The following HLCS variants were observed in gnomAD, a reference collection of about 807,000 sequenced individuals.
The protein encoded by HLCS is biotin--protein ligase.
In HLCS, 53 loss-of-function variants were observed where a neutral mutation model predicts 75.0. That is an observed-to-expected ratio of 0.71 (90% CI 0.57 to 0.89). The LOEUF (loss-of-function observed/expected upper bound fraction) is 0.89. HLCS is among the 40% of genes least tolerant of loss of function. HLCS has a pLI of 0.00. For missense variants in HLCS, 966 were observed against 1,074.0 expected (o/e 0.90, Z 1.41); for synonymous variants, 431 against 428.6 (o/e 1.01, Z -0.07).
At chr21:36,956,482 A>G (rs937572303) in intron 2 of HLCS, among the ~76,000 whole-genome samples, 25 of 152,210 alleles carry the variant, frequency 1.6e-4, no homozygotes, top group Non-Finnish European at 3.4e-4. Context: ...TAATCCCAGC[A>G]CTTTGGGAGG....
intron 6 of HLCS, among the ~76,000 whole-genome samples, chr21:36,818,299 C>G (rs2061721740): frequency 6.6e-6 from 1 of 152,196 alleles, no homozygotes; most frequent in African/African-American, 2.4e-5. Context: ...TCTAAAGACC[C>G]TCCCGCGAGG....
At chr21:36,815,259 C>T (rs1267887579) in intron 6 of HLCS, among the ~76,000 whole-genome samples, 1 of 152,104 alleles carries the variant, frequency 6.6e-6, no homozygotes, top group Non-Finnish European at 1.5e-5. Context: ...GAACTCCAGA[C>T]CTCAAATGAT....
intron 6 of HLCS, among the ~76,000 whole-genome samples, chr21:36,880,665 C>T (rs1400836773): frequency 6.6e-6 from 1 of 152,188 alleles, no homozygotes; most frequent in African/African-American, 2.4e-5. Context: ...CTCGAACACT[C>T]CACCAGGATT....
At chr21:36,959,086 A>G (rs2068132658) in intron 2 of HLCS, among the ~76,000 whole-genome samples, 1 of 152,170 alleles carries the variant, frequency 6.6e-6, no homozygotes, top group South Asian at 2.1e-4. Context: ...GCATAACTGC[A>G]GCCTCCCAGC....
intron 6 of HLCS, among the ~76,000 whole-genome samples, chr21:36,855,362 G>C (rs12627662): frequency 0.27 from 41,124 of 149,866 alleles, 6,638 homozygotes; most frequent in African/African-American, 0.45. Context: ...GAAACCCTGT[G>C]TCTACTAAAA....
chr21:36,901,135 T>G (rs1433292559), intron 5 of HLCS, among the ~76,000 whole-genome samples: 2 of 152,020 alleles, frequency 1.3e-5, no homozygotes, highest in Non-Finnish European at 2.9e-5. Flanking sequence ...GTGGTGGGCA[T>G]CTGTAGTCCC....
intron 7 of HLCS, 62 bp downstream of exon 7, chr21:36,767,156 C>T (rs1277797309): frequency 1.2e-5 from 18 of 1,519,876 alleles, no homozygotes; most frequent in Non-Finnish European, 1.6e-5. Flanking sequence ...GGCTCCTGGG[C>T]CACAAGAGTT....
chr21:36,886,129 A>T (rs2064445999), intron 6 of HLCS, among the ~76,000 whole-genome samples: 1 of 151,852 alleles, frequency 6.6e-6, no homozygotes. Flanking sequence ...CATTGAGAAC[A>T]TTCAAAAGAT....
chr21:36,863,277 A>G (rs1394786396), intron 6 of HLCS, among the ~76,000 whole-genome samples: 1 of 152,170 alleles, frequency 6.6e-6, no homozygotes, highest in African/African-American at 2.4e-5. Flanking sequence ...AGCTCTAAAC[A>G]GGGAGATTCC....
At chr21:36,898,446 C>CAAAAAAAAAAAAA (rs58625493) in intron 5 of HLCS, among the ~76,000 whole-genome samples, 6 of 49,528 alleles carry the variant, frequency 1.2e-4, no homozygotes, top group African/African-American at 4.4e-4. Flanking sequence ...AACTCCATCT[C>CAAAAAAAAAAAAA]AAAAAAAAAA....
At chr21:36,946,047 T>C in intron 2 of HLCS, 1 of 936,988 alleles carries the variant, frequency 1.1e-6, no homozygotes, top group Non-Finnish European at 1.3e-6. Flanking sequence ...GGATCATCCA[T>C]AAAGTGCCTG....
chr21:36,903,221 G>A (rs1238471312), intron 5 of HLCS, among the ~76,000 whole-genome samples: 1 of 152,074 alleles, frequency 6.6e-6, no homozygotes, highest in Non-Finnish European at 1.5e-5. Context: ...ATTTCAAATG[G>A]ATTATTCCCT....
chr21:36,956,118 A>G (rs571128255), intron 2 of HLCS, among the ~76,000 whole-genome samples: 11 of 152,190 alleles, frequency 7.2e-5, no homozygotes, highest in Non-Finnish European at 1.6e-4. Context: ...CATTAACTAT[A>G]ATGTATACGA....
At chr21:36,942,843 T>C (rs878912361) in intron 2 of HLCS, among the ~76,000 whole-genome samples, 7 of 151,660 alleles carry the variant, frequency 4.6e-5, no homozygotes, top group Admixed American at 1.3e-4. Flanking sequence ...GGCAGGAGAA[T>C]GGCGTGAACC....
intron 6 of HLCS, among the ~76,000 whole-genome samples, chr21:36,794,600 T>C (rs1406334776): frequency 1.3e-5 from 2 of 152,158 alleles, no homozygotes; most frequent in Admixed American, 6.5e-5. Flanking sequence ...GTGCAGGTCA[T>C]AGTAAGAACT....
intron 5 of HLCS, among the ~76,000 whole-genome samples, chr21:36,911,760 A>C (rs6517392): frequency 1.3e-5 from 2 of 150,720 alleles, no homozygotes; most frequent in East Asian, 2.0e-4. Flanking sequence ...AAAAAAAAAA[A>C]AAAAAAAAAA....
At chr21:36,781,192 G>A (rs1027966297) in intron 6 of HLCS, among the ~76,000 whole-genome samples, 3 of 151,024 alleles carry the variant, frequency 2.0e-5, no homozygotes, top group African/African-American at 7.3e-5. Flanking sequence ...CTGAGGCGGA[G>A]GTTGCAGTGA....
At chr21:36,864,469 A>T (rs572930717) in intron 6 of HLCS, among the ~76,000 whole-genome samples, 1 of 152,220 alleles carries the variant, frequency 6.6e-6, no homozygotes, top group South Asian at 2.1e-4. Context: ...CCTTCAAGAA[A>T]ATTCTACTTC....
chr21:36,964,647 C>T (rs139065072), intron 1 of HLCS, among the ~76,000 whole-genome samples: 3 of 152,278 alleles, frequency 2.0e-5, no homozygotes, highest in Non-Finnish European at 4.4e-5. Flanking sequence ...AGCAGAGTTA[C>T]AGAATCCATG....
Sources: gnomAD v4.1 joint callset for allele counts (sites outside exome capture counted in the v4.1 genomes callset) on GRCh38, gnomAD v4.1.1 for gene constraint, MANE v1.5 for transcripts, NCBI Gene and HGNC (gene_info 2026-07-23, HGNC 2026-07-21) for gene names.